The following CSPP1 variants were observed in gnomAD, a reference collection of about 807,000 sequenced individuals.
The protein encoded by CSPP1 is centrosome and spindle pole associated protein 1, also known as centrosome and spindle pole-associated protein 1.
In CSPP1, 126 loss-of-function variants were observed where a neutral mutation model predicts 164.4. The observed-to-expected ratio is 0.77, with a 90% CI of 0.66 to 0.89. The LOEUF is 0.89. CSPP1 is among the 40% of genes least tolerant of loss of function. The pLI, the probability that CSPP1 is intolerant of heterozygous loss-of-function variation, is 0.00. For missense variants in CSPP1, 1,395 were observed against 1,449.8 expected, an observed-to-expected ratio of 0.96 and a Z score of 0.61; for synonymous variants, 472 against 476.7, an observed-to-expected ratio of 0.99 and a Z score of 0.13.
At chr8:67,124,292 A>G (rs2129552636) in intron 15 of CSPP1, among the ~76,000 whole-genome samples, 1 of 152,196 alleles carries the variant, frequency 6.6e-6, no homozygotes, top group South Asian at 2.1e-4. Flanking sequence ...TGGTTTCCCT[A>G]CAGATTAAAA....
chr8:67,113,095 A>T (rs1006871394), intron 10 of CSPP1, among the ~76,000 whole-genome samples: 1 of 152,134 alleles, frequency 6.6e-6, no homozygotes, highest in Admixed American at 6.6e-5. Context: ...AATACAAAAA[A>T]TTAGCCGGGC....
intron 19 of CSPP1, among the ~76,000 whole-genome samples, chr8:67,157,359 A>G (rs183877999): frequency 0.012 from 1,758 of 151,936 alleles, 19 homozygotes; most frequent in Admixed American, 0.018. Context: ...GCAGTGGTGC[A>G]ATCTCGGCTC....
intron 1 of CSPP1, among the ~76,000 whole-genome samples, chr8:67,068,709 A>G (rs1806087640): frequency 1.3e-5 from 2 of 152,238 alleles, no homozygotes; most frequent in Admixed American, 1.3e-4. Context: ...TGGTATTGCT[A>G]GAAACTAGCC....
At chr8:67,185,294 T>C (rs531874373) in intron 28 of CSPP1, among the ~76,000 whole-genome samples, 14 of 152,310 alleles carry the variant, frequency 9.2e-5, no homozygotes, top group Middle Eastern at 3.4e-3. Flanking sequence ...GCCCCAGAAC[T>C]ATCTTTTCGG....
chr8:67,124,852 T>A (rs983299426), intron 15 of CSPP1, among the ~76,000 whole-genome samples: 4 of 152,042 alleles, frequency 2.6e-5, no homozygotes, highest in African/African-American at 7.2e-5. Context: ...TTTATTTTTT[T>A]AATTTTTTGT....
rs1331339659 is a variant in CSPP1, at chr8:67,159,868, CTTTCTTTCTTTCTTTCTTTCTT to C, written c.2538+733_2538+754del. 4.1e-4 allele frequency among the ~76,000 whole-genome samples: 17 copies of C among 41,598 alleles called. 1 individual carries two copies. Among genetic ancestry groups the C allele is most frequent in the Non-Finnish European group, 1.7e-4 (4 of 22,876 alleles). 27.3% of individuals were successfully genotyped at this position (41,598 alleles called of 152,430 possible). ...TTTCTTTCTTTTTCTTTCTTTCTTT[CTTTCTTTCTTTCTTTCTTTCTT>C]TCTTTCTTTCTTTCTTTCTTTCTTT... On this transcript the variant is annotated intron_variant, in intron 21 of 30. Transcript: ENST00000678616.
intron 15 of CSPP1, among the ~76,000 whole-genome samples, chr8:67,125,406 T>C (rs1819860759): frequency 6.6e-6 from 1 of 152,236 alleles, no homozygotes; most frequent in African/African-American, 2.4e-5. Flanking sequence ...TTCAGCTGTT[T>C]GGCTGTATAA....
intron 28 of CSPP1, among the ~76,000 whole-genome samples, chr8:67,189,643 T>A (rs1169454464): frequency 1.3e-5 from 2 of 152,172 alleles, no homozygotes; most frequent in African/African-American, 4.8e-5. Flanking sequence ...TAATTAGATT[T>A]TTGCAGTGTA....
At chr8:67,076,857 G>C (rs771064646) in intron 3 of CSPP1, among the ~76,000 whole-genome samples, 3 of 152,138 alleles carry the variant, frequency 2.0e-5, no homozygotes, top group Non-Finnish European at 4.4e-5. Flanking sequence ...AAAGGAATTT[G>C]TGTGTGTGAG....
At chr8:67,164,242 T>C in intron 23 of CSPP1, 149 bp from the exon 24 acceptor site, 1 of 567,676 alleles carries the variant, frequency 1.8e-6, no homozygotes, top group Non-Finnish European at 3.1e-6. Flanking sequence ...ATGATCCATG[T>C]ATGTGTGTAT....
At chr8:67,156,203 A>T (rs1028806386) in intron 19 of CSPP1, among the ~76,000 whole-genome samples, 1 of 152,022 alleles carries the variant, frequency 6.6e-6, no homozygotes, top group Non-Finnish European at 1.5e-5. Context: ...TCTCTGAGAG[A>T]GGTTTTATTA....
rs1823923215 is a variant in CSPP1, at chr8:67,143,595, AT to A, written c.1975+5995del. Among the ~76,000 whole-genome samples the A allele has an allele frequency of 2.0e-5, 3 of 151,982 alleles. No individual in the cohort carries two copies. The South Asian group carries it at 6.2e-4, about 32-fold the overall frequency. On this transcript the variant is annotated intron_variant, in intron 17 of 30. Transcript: ENST00000678616. ...TATATCCATTTATTGCTTCTAGTTA[AT>A]TTCTCTCAGCAATATTTTGTAGTTT...
chr8:67,123,540 A>G (rs2129552414), intron 15 of CSPP1, among the ~76,000 whole-genome samples: 1 of 151,178 alleles, frequency 6.6e-6, no homozygotes, highest in Admixed American at 6.6e-5. Context: ...GCCATTTTGC[A>G]ATTTTTTTCT....
rs777179653 is a variant in CSPP1, at chr8:67,095,455, A to G, written c.646A>G (p.Arg216Gly). 8 of 1,613,524 alleles carry G rather than the reference A, an allele frequency of 5.0e-6. No individual in the cohort carries two copies. The highest frequency in any genetic ancestry group is 5.9e-6 in the Non-Finnish European group (7 of 1,179,948). Reference protein sequence around the residue: ...LLNQRRLEEDRYRQLDDEIEL... With the variant: ...LLNQRRLEEDGYRQLDDEIEL... ...GAACCAAAGACGACTAGAGGAGGAC[A>G]GATACCGACAACTAGATGATGAAAT... Residue 216 changes from arginine (R) to glycine (G), a missense_variant, in exon 7 of 31, where the codon AGA becomes GGA. Arg to Gly is a moderately radical substitution (Grantham distance 125). Coordinates refer to ENST00000678616, the MANE Select transcript of CSPP1 (RefSeq NM_001382391.1).
intron 21 of CSPP1, 113 bp downstream of exon 21, chr8:67,159,250 TTC>T: frequency 1.0e-6 from 1 of 1,002,112 alleles, no homozygotes; most frequent in Non-Finnish European, 1.5e-6. Flanking sequence ...TTTGTTCCTG[TTC>T]TGTCTTACTG....
chr8:67,181,165 G>A (rs1832926788), intron 28 of CSPP1, among the ~76,000 whole-genome samples: 1 of 151,618 alleles, frequency 6.6e-6, no homozygotes. Flanking sequence ...AGCCTCCCCA[G>A]TAGCTGGGAC....
chr8:67,145,860 G>T (rs1370935461), intron 17 of CSPP1, among the ~76,000 whole-genome samples: 1 of 152,014 alleles, frequency 6.6e-6, no homozygotes, highest in Non-Finnish European at 1.5e-5. Flanking sequence ...CTTAGACTAT[G>T]ATTTGAGACC....
At position 67,172,419 on chromosome 8, in the gene CSPP1, A is replaced by G. The variant is rs921605745; in HGVS notation, c.2832A>G (p.Lys944=). Residue 944 remains lysine (K), a synonymous_variant, in exon 25 of 31, where the codon AAA becomes AAG. Transcript: ENST00000678616. ...ATGATTTGTCATTTATCTATAGGAAAAAGGAAAGGAATCCCATGGATATAT... is the reference window on the plus strand; with the variant it reads ...ATGATTTGTCATTTATCTATAGGAAGAAGGAAAGGAATCCCATGGATATAT... ...MDSDDEIPIR[K]KERNPMDIFD... 6.8e-6 allele frequency: 11 copies of G among 1,611,054 alleles called. No individual in the cohort carries two copies. The highest frequency in any genetic ancestry group is 3.3e-4 in the Middle Eastern group (2 of 6,060).
chr8:67,082,566 A>T (rs1311413876), intron 3 of CSPP1, among the ~76,000 whole-genome samples: 1 of 152,122 alleles, frequency 6.6e-6, no homozygotes, highest in East Asian at 1.9e-4. Flanking sequence ...TATTTCCTAT[A>T]ATTTGTCTTT....
Sources: gnomAD v4.1 joint callset for allele counts (sites outside exome capture counted in the v4.1 genomes callset) on GRCh38, gnomAD v4.1.1 for gene constraint, MANE v1.5 for transcripts, NCBI Gene and HGNC (gene_info 2026-07-23, HGNC 2026-07-21) for gene names.